MEPE: variants seen among roughly 807,000 people sequenced by gnomAD.
MEPE encodes the protein matrix extracellular phosphoglycoprotein, also known as matrix, extracellular phosphoglycoprotein with ASARM motif (bone).
A neutral mutation model predicts 7.3 loss-of-function variants in MEPE; 7 were observed. The ratio of observed to expected loss-of-function variants is 0.95; its 90% confidence interval spans 0.54 to 1.79. The LOEUF (loss-of-function observed/expected upper bound fraction) is 1.79, where lower values mean the gene tolerates loss of function less well. Ranked by LOEUF, MEPE falls within the 40% of genes most tolerant of loss-of-function variation. The pLI, the probability that MEPE is intolerant of heterozygous loss-of-function variation, is 0.00. For missense variants in MEPE, 623 were observed against 628.2 expected, an observed-to-expected ratio of 0.99 and a Z score of 0.09; for synonymous variants, 214 against 213.1, an observed-to-expected ratio of 1.00 and a Z score of -0.04.
Position 87,846,324 on chromosome 4 carries a change from C to A in MEPE, c.1456C>A (p.Pro486Thr). 6.2e-7 allele frequency: 1 copy of A among 1,613,996 alleles called. No homozygotes were observed. The highest frequency in any genetic ancestry group is 2.2e-5 in the East Asian group (1 of 44,874). ...QNNSTRNKGM[P>T]QGKGSWGRQP... ...TAATTCTACACGGAATAAGGGTATG[C>A]CACAAGGGAAAGGCTCCTGGGGTAG... Residue 486 changes from proline (P) to threonine (T), a missense_variant, in exon 4 of 4, where the codon CCA becomes ACA. Coordinates refer to ENST00000361056, the MANE Select transcript of MEPE (RefSeq NM_020203.6).
At position 87,834,676 on chromosome 4, in the gene MEPE, T is replaced by A. The variant is rs7698623; in HGVS notation, c.-12-27T>A. On this transcript the variant is annotated intron_variant, in intron 1 of 3. Transcript: ENST00000361056. ...GCAGTTTATAACTGGCAATGCTTTG[T>A]GGTAAGATATTGTTGTCTTTTTACA... 1.5e-4 allele frequency: 240 copies of A among 1,583,308 alleles called. 1 individual carries two copies. Among genetic ancestry groups the A allele is most frequent in the Non-Finnish European group, 2.0e-4 (232 of 1,155,782 alleles).
intron 3 of MEPE, among the ~76,000 whole-genome samples, chr4:87,841,428 A>T (rs1723009619): frequency 6.6e-6 from 1 of 152,212 alleles, no homozygotes; most frequent in Non-Finnish European, 1.5e-5. Context: ...TTCAGAATAT[A>T]CCCACCAATA....
chr4:87,838,787 ATGG>A, intron 3 of MEPE, 102 bp downstream of exon 3: 1 of 984,122 alleles, frequency 1.0e-6, no homozygotes, highest in African/African-American at 1.6e-5. Context: ...GGCACTTTGA[ATGG>A]AAGTGAAAAA....
In MEPE at chr4:87,843,346, T is replaced by G. The variant is rs546463665; in HGVS notation, c.109-1631T>G. On this transcript the variant is annotated intron_variant, in intron 3 of 3. Coordinates refer to ENST00000361056, the MANE Select transcript of MEPE (RefSeq NM_020203.6). Reference sequence around the variant, plus strand: ...ACAAGTCTCCGGCACTCTGTTTGTCTGTGCAGACCTAATTGGATATGATGT... The same window carrying G: ...ACAAGTCTCCGGCACTCTGTTTGTCGGTGCAGACCTAATTGGATATGATGT... Among the ~76,000 whole-genome samples, 5 of 152,318 alleles carry G rather than the reference T, an allele frequency of 3.3e-5. No homozygotes were observed. In the South Asian group the frequency reaches 1.0e-3, roughly 32 times the overall value.
In MEPE at chr4:87,845,591, T is replaced by A. The variant is rs907347936; in HGVS notation, c.723T>A (p.Tyr241Ter). 2 of 1,613,594 alleles carry A rather than the reference T, an allele frequency of 1.2e-6. No homozygotes were observed. Among genetic ancestry groups the A allele is most frequent in the Non-Finnish European group, 1.7e-6 (2 of 1,179,870 alleles). ...KIPSDFEGSG[Y>*]TDLQERGDND... ...CCAGTGATTTTGAAGGCAGCGGTTA[T>A]ACAGATCTTCAAGAGAGAGGGGACA... The change falls in exon 4 of 4, where the codon TAT (tyrosine) becomes TAA (stop). Residue 241 changes from tyrosine (Y) to a stop codon, truncating the protein, a stop_gained. Transcript: ENST00000361056. LOFTEE classifies it low-confidence loss of function (END_TRUNC).
intron 3 of MEPE, among the ~76,000 whole-genome samples, chr4:87,843,298 T>A (rs1723084919): frequency 6.6e-6 from 1 of 152,156 alleles, no homozygotes; most frequent in Non-Finnish European, 1.5e-5. Flanking sequence ...AACCAAATTC[T>A]TCACCCTGGC....
At chr4:87,843,209 C>T (rs563329201) in intron 3 of MEPE, among the ~76,000 whole-genome samples, 2 of 152,332 alleles carry the variant, frequency 1.3e-5, no homozygotes, top group South Asian at 4.1e-4. Flanking sequence ...TTTCTTACCA[C>T]TGTTCCTCCT....
intron 1 of MEPE, among the ~76,000 whole-genome samples, chr4:87,824,978 G>A (rs1441524797): frequency 1.3e-5 from 2 of 152,112 alleles, no homozygotes; most frequent in African/African-American, 4.8e-5. Flanking sequence ...GGCCCCAAGA[G>A]CTGGGACTAC....
intron 3 of MEPE, among the ~76,000 whole-genome samples, chr4:87,842,875 T>C (rs1047202478): frequency 2.0e-5 from 3 of 152,160 alleles, no homozygotes; most frequent in Non-Finnish European, 4.4e-5. Context: ...GAGTTGACCA[T>C]GGGCTATGAA....
At chr4:87,840,551 C>A (rs938648251) in intron 3 of MEPE, among the ~76,000 whole-genome samples, 8 of 152,088 alleles carry the variant, frequency 5.3e-5, no homozygotes, top group Admixed American at 5.2e-4. Context: ...GAGTTCTTAA[C>A]TGGTGTGTAA....
At chr4:87,834,064 T>G (rs997464190) in intron 1 of MEPE, among the ~76,000 whole-genome samples, 1 of 152,206 alleles carries the variant, frequency 6.6e-6, no homozygotes, top group South Asian at 2.1e-4. Context: ...CCGCCTAACT[T>G]GTAGGGTTGT....
intron 1 of MEPE, 56 bp downstream of exon 1, chr4:87,833,070 G>A (rs914637686): frequency 5.3e-5 from 8 of 152,156 alleles, no homozygotes; most frequent in East Asian, 3.9e-4. Context: ...AGTTGTTTAC[G>A]TTTTTAAGAT....
chr4:87,829,010 T>C (rs1722535829), upstream of MEPE, among the ~76,000 whole-genome samples: 3 of 152,180 alleles, frequency 2.0e-5, no homozygotes, highest in South Asian at 6.2e-4. Flanking sequence ...TCCTTAGAAA[T>C]GCCATGGCAA....
At chr4:87,836,619 T>C (rs1014044269) in intron 2 of MEPE, among the ~76,000 whole-genome samples, 2 of 152,186 alleles carry the variant, frequency 1.3e-5, no homozygotes, top group African/African-American at 4.8e-5. Flanking sequence ...AGAATCAACA[T>C]AAGAAATGCA....
At chr4:87,840,066 C>T (rs1218881883) in intron 3 of MEPE, 4 of 1,533,966 alleles carry the variant, frequency 2.6e-6, no homozygotes, top group Non-Finnish European at 3.5e-6. Flanking sequence ...TGCCCATGGA[C>T]TGCTGTGTTA....
chr4:87,828,239 C>T (rs1578051833), upstream of MEPE, among the ~76,000 whole-genome samples: 1 of 152,110 alleles, frequency 6.6e-6, no homozygotes, highest in Non-Finnish European at 1.5e-5. Flanking sequence ...AAAGACTTCC[C>T]CACTGATCCA....
upstream of MEPE, among the ~76,000 whole-genome samples, chr4:87,832,035 G>A (rs748175125): frequency 3.9e-5 from 6 of 151,946 alleles, no homozygotes; most frequent in Admixed American, 6.6e-5. Flanking sequence ...GACGAGGGCT[G>A]TCTATCTCTT....
chr4:87,830,425 G>T (rs140231208), upstream of MEPE, among the ~76,000 whole-genome samples: 449 of 152,272 alleles, frequency 2.9e-3, 2 homozygotes, highest in African/African-American at 0.01. Flanking sequence ...CATGTCCTTT[G>T]TGGGAACATG....
Position 87,821,743 on chromosome 4 carries a change from G to C in MEPE, c.-13+272G>C, listed in dbSNP as rs553218621. 5.5e-4 allele frequency among the ~76,000 whole-genome samples: 84 copies of C among 152,212 alleles called. 1 individual carries two copies. The highest frequency in any genetic ancestry group is 3.4e-3 in the Middle Eastern group (1 of 294). The stretch of plus-strand genomic sequence containing the variant: ...GTACCATCTGGCTCCTAGTGAAAGG[G>C]ACCCTGAGGCCCCGTAAGCCTGCAA... On this transcript the variant is annotated intron_variant, in intron 1 of 3. Transcript: ENST00000424957.
Sources: allele counts gnomAD v4.1 joint callset (sites outside exome capture counted in the v4.1 genomes callset), GRCh38; gene constraint gnomAD v4.1.1; transcripts MANE v1.5; gene names NCBI Gene and HGNC (gene_info 2026-07-23, HGNC 2026-07-21).